Variants in IFI27L1 observed in about 807,000 individuals in gnomAD.
The protein encoded by IFI27L1 is interferon alpha-inducible protein 27-like protein 1.
In IFI27L1, 3 loss-of-function variants were observed where a neutral mutation model predicts 9.2. The ratio of observed to expected loss-of-function variants is 0.32; its 90% CI spans 0.15 to 0.84. The LOEUF (loss-of-function observed/expected upper bound fraction) is 0.84, where lower values mean the gene tolerates loss of function less well. Ranked by LOEUF, IFI27L1 falls within the 40% of genes least tolerant of loss-of-function variation. The probability of loss-of-function intolerance (pLI) is 0.56; values close to 1 mark genes in which losing one functional copy is unlikely to be tolerated. For missense variants in IFI27L1, 133 were observed against 134.2 expected, an observed-to-expected ratio of 0.99 and a Z score of 0.05; for synonymous variants, 53 against 50.0, an observed-to-expected ratio of 1.06 and a Z score of -0.26.
chr14:94,096,210 A>C (rs1886657618), intron 1 of IFI27L1, among the ~76,000 whole-genome samples: 1 of 152,192 alleles, frequency 6.6e-6, no homozygotes, highest in South Asian at 2.1e-4. Flanking sequence ...TGCTTATCCC[A>C]TGGGCCATAC....
At chr14:94,085,079 T>C (rs1007828993) in intron 1 of IFI27L1, among the ~76,000 whole-genome samples, 1 of 152,116 alleles carries the variant, frequency 6.6e-6, no homozygotes, top group Non-Finnish European at 1.5e-5. Flanking sequence ...GAAGCCTCCA[T>C]TGCCAGTGGC....
Position 94,102,461 on chromosome 14 carries a change from C to A in IFI27L1, c.224-16C>A. ...CCCCTCCCTGTGCCCTGTGCTCACC[C>A]TCTCTTCTCCCCCAGGGGCAGCTGG... On this transcript the variant is annotated splice_polypyrimidine_tract_variant and intron_variant, in intron 4 of 4. Coordinates refer to ENST00000555523, the MANE Select transcript of IFI27L1 (RefSeq NM_206949.3). The A allele has an allele frequency of 6.5e-7, 1 of 1,539,550 alleles. No homozygotes were observed. Among genetic ancestry groups the A allele is most frequent in the Non-Finnish European group, 8.8e-7 (1 of 1,137,142 alleles).
At chr14:94,092,484 C>G (rs928802562) in intron 1 of IFI27L1, among the ~76,000 whole-genome samples, 2 of 152,160 alleles carry the variant, frequency 1.3e-5, no homozygotes, top group Non-Finnish European at 2.9e-5. Flanking sequence ...GCACTCCAGT[C>G]TGGGCAACAG....
intron 1 of IFI27L1, among the ~76,000 whole-genome samples, chr14:94,085,396 C>T (rs1353758168): frequency 6.6e-6 from 1 of 152,164 alleles, no homozygotes; most frequent in East Asian, 1.9e-4. Context: ...AACGTAAATG[C>T]ATGTAAACTT....
intron 1 of IFI27L1, among the ~76,000 whole-genome samples, chr14:94,090,531 CT>C (rs1464623201): frequency 3.3e-5 from 5 of 152,146 alleles, no homozygotes; most frequent in Non-Finnish European, 5.9e-5. Flanking sequence ...ATTTTTAAAG[CT>C]GAGGCCAGCC....
At chr14:94,093,046 A>G (rs948752859) in intron 1 of IFI27L1, among the ~76,000 whole-genome samples, 1 of 151,730 alleles carries the variant, frequency 6.6e-6, no homozygotes, top group African/African-American at 2.4e-5. Context: ...TGGCCAGGAA[A>G]ATCTAATTCC....
chr14:94,095,620 G>A (rs1886640112), intron 1 of IFI27L1, among the ~76,000 whole-genome samples: 1 of 152,178 alleles, frequency 6.6e-6, no homozygotes, highest in South Asian at 2.1e-4. Context: ...GGGGGAGCAG[G>A]TGTGTCATAT....
intron 1 of IFI27L1, among the ~76,000 whole-genome samples, chr14:94,096,294 G>A (rs1313749379): frequency 6.6e-6 from 1 of 152,208 alleles, no homozygotes; most frequent in East Asian, 1.9e-4. Context: ...GCAGCCAGTA[G>A]ATACGTCTCC....
intron 1 of IFI27L1, among the ~76,000 whole-genome samples, chr14:94,084,647 C>G (rs113854015): frequency 6.6e-6 from 1 of 152,202 alleles, no homozygotes; most frequent in East Asian, 1.9e-4. Flanking sequence ...ATTACAGAAG[C>G]GAGAAACAAA....
intron 1 of IFI27L1, among the ~76,000 whole-genome samples, chr14:94,089,891 A>G (rs1170270330): frequency 6.6e-6 from 1 of 152,214 alleles, no homozygotes; most frequent in Non-Finnish European, 1.5e-5. Context: ...TCAGTCAGAA[A>G]GTGTCGGTAT....
chr14:94,086,274 G>GC lies in IFI27L1; in HGVS notation c.-52+4827dup, dbSNP rs577265469. On this transcript the variant is annotated intron_variant, in intron 1 of 4. Transcript: ENST00000555523. ...CTGCCATGATCGTAAGCTTCCTGAG[G>GC]CCTACCTAGAAGCTGAGCAGATGTC... Among the ~76,000 whole-genome samples the GC allele has an allele frequency of 5.1e-3, 780 of 152,268 alleles. 11 individuals are homozygous for GC. Among genetic ancestry groups the GC allele is most frequent in the African/African-American group, 0.018 (734 of 41,532 alleles).
Position 94,100,210 on chromosome 14 carries a change from G to A in IFI27L1, c.29-529G>A, listed in dbSNP as rs995269550. On this transcript the variant is annotated intron_variant, in intron 2 of 4. Transcript: ENST00000555523. ...GAGAGAAAGGGAGGTCCTGAGCCAT[G>A]AGCTAAAAGCTTCAAGAAATGGCAG... The A allele has an allele frequency of 1.2e-5, 11 of 917,228 alleles. No homozygotes were observed. The African/African-American group carries it at 1.8e-4, about 15-fold the overall frequency. 56.8% of individuals were successfully genotyped at this position (917,228 alleles called of 1,614,324 possible). A position where few individuals can be genotyped will look rare whatever the true frequency, so the allele number is the denominator to read the frequency against.
At chr14:94,084,186 A>C (rs1886203819) in intron 1 of IFI27L1, among the ~76,000 whole-genome samples, 1 of 152,234 alleles carries the variant, frequency 6.6e-6, no homozygotes, top group Admixed American at 6.5e-5. Context: ...CTAATGTTAC[A>C]GAGCTCAGAC....
intron 1 of IFI27L1, among the ~76,000 whole-genome samples, chr14:94,095,070 T>G (rs1161041006): frequency 1.3e-5 from 2 of 152,160 alleles, no homozygotes; most frequent in Non-Finnish European, 2.9e-5. Context: ...GATCTCACTG[T>G]GTTGCCCGGG....
intron 2 of IFI27L1, chr14:94,100,328 C>G: frequency 1.0e-6 from 1 of 985,382 alleles, no homozygotes; most frequent in Non-Finnish European, 1.2e-6. Flanking sequence ...TGAGCTCTTT[C>G]TAGCAGGCCC....
At chr14:94,100,603 G>T in intron 2 of IFI27L1, 136 bp from the exon 3 acceptor site, 4 of 1,562,134 alleles carry the variant, frequency 2.6e-6, no homozygotes, top group Non-Finnish European at 3.4e-6. Context: ...CTGACCTATG[G>T]CCTAGGATGA....
chr14:94,092,143 A>G (rs935936845), intron 1 of IFI27L1, among the ~76,000 whole-genome samples: 4 of 151,648 alleles, frequency 2.6e-5, no homozygotes, highest in Non-Finnish European at 4.4e-5. Flanking sequence ...TAAAAAAAAA[A>G]AAAGAAAGAA....
chr14:94,088,501 T>TTTTC (rs201784720), intron 1 of IFI27L1, among the ~76,000 whole-genome samples: 74 of 135,374 alleles, frequency 5.5e-4, no homozygotes, highest in East Asian at 1.5e-3. Context: ...GGAACAATCT[T>TTTTC]TTTTTTTTTT....
At chr14:94,089,875 T>G (rs1467167419) in intron 1 of IFI27L1, among the ~76,000 whole-genome samples, 1 of 151,684 alleles carries the variant, frequency 6.6e-6, no homozygotes, top group East Asian at 1.9e-4. Flanking sequence ...CAGGGTAGAG[T>G]GGAGCTCAGT....
Sources: allele counts gnomAD v4.1 joint callset (sites outside exome capture counted in the v4.1 genomes callset), GRCh38; gene constraint gnomAD v4.1.1; transcripts MANE v1.5; gene names NCBI Gene and HGNC (gene_info 2026-07-23, HGNC 2026-07-21).